The following SMCO2 variants were observed in gnomAD, a reference collection of about 807,000 sequenced individuals.
SMCO2 encodes single-pass membrane and coiled-coil domain-containing protein 2.
A neutral mutation model predicts 29.5 loss-of-function variants in SMCO2; 25 were observed. That is an observed-to-expected ratio of 0.85 (90% CI 0.62 to 1.18). SMCO2 has a LOEUF of 1.18. Ranked by LOEUF, SMCO2 falls within the 50% of genes most tolerant of loss-of-function variation. The pLI, the probability that SMCO2 is intolerant of heterozygous loss-of-function variation, is 0.00. For synonymous variants in SMCO2, 117 were observed against 123.3 expected (o/e 0.95, Z 0.34); for missense variants, 348 against 344.5 (o/e 1.01, Z -0.08).
At chr12:27,470,371 G>A (rs1272563469) in intron 1 of SMCO2, among the ~76,000 whole-genome samples, 1 of 151,876 alleles carries the variant, frequency 6.6e-6, no homozygotes, top group African/African-American at 2.4e-5. Context: ...ATTCTCCTTC[G>A]AGCATTCAAA....
At chr12:27,438,192 C>T in the SMCO2 span, among the ~76,000 whole-genome samples, 1 of 152,208 alleles carries the variant, frequency 6.6e-6, no homozygotes, top group Non-Finnish European at 1.5e-5. Context: ...CCTCCCTCAG[C>T]TTCTGTGATA....
At chr12:27,444,964 A>G in the SMCO2 span, among the ~76,000 whole-genome samples, 1,538 of 152,334 alleles carry the variant, frequency 0.01, 17 homozygotes, top group African/African-American at 0.035. Context: ...TGAATGGATA[A>G]AGAAAATGTG....
At chr12:27,474,911 A>G in exon 4 of SMCO2, 1 of 1,550,976 alleles carries the variant, frequency 6.4e-7, no homozygotes, top group South Asian at 1.2e-5. Context: ...ACCTCCTTGA[A>G]CTGTAAGTCT....
chr12:27,471,800 C>A (rs918883132), intron 2 of SMCO2, among the ~76,000 whole-genome samples: 1 of 152,122 alleles, frequency 6.6e-6, no homozygotes, highest in Admixed American at 6.5e-5. Flanking sequence ...TGGATTTAGA[C>A]AAGGAGTGGG....
At position 27,502,075 on chromosome 12, in the gene SMCO2, G is replaced by A. The variant is rs370797832; in HGVS notation, c.836G>A (p.Arg279Lys). The A allele has an allele frequency of 6.5e-6, 10 of 1,544,674 alleles. No homozygotes were observed. Among genetic ancestry groups the A allele is most frequent in the Admixed American group, 2.0e-5 (1 of 50,166 alleles). ...ACCACATGGGACCTACGGGAGATGAGAGAGCCTTTCTTGAATTTGGAAGTG... is the reference window on the plus strand; with the variant it reads ...ACCACATGGGACCTACGGGAGATGAAAGAGCCTTTCTTGAATTTGGAAGTG... The change falls in exon 8 of 8, where the codon AGA (arginine) becomes AAA (lysine). Residue 279 changes from arginine to lysine, a missense_variant. Coordinates refer to ENST00000298876, the Ensembl canonical transcript of SMCO2.
chr12:27,490,123 T>G (rs1450043562), intron 5 of SMCO2, among the ~76,000 whole-genome samples: 2 of 152,210 alleles, frequency 1.3e-5, no homozygotes, highest in Admixed American at 1.3e-4. Context: ...TATCTGCCAG[T>G]TGTCATTTGG....
chr12:27,426,166 G>T, the SMCO2 span, among the ~76,000 whole-genome samples: 2 of 152,188 alleles, frequency 1.3e-5, no homozygotes, highest in African/African-American at 4.8e-5. Flanking sequence ...CTGTGAAGGT[G>T]AAGAGGATAC....
the SMCO2 span, among the ~76,000 whole-genome samples, chr12:27,461,018 T>C: frequency 3.9e-5 from 6 of 152,140 alleles, no homozygotes; most frequent in African/African-American, 1.4e-4. Context: ...CTTCCTGTCT[T>C]TTTCCCTTTT....
At position 27,501,841 on chromosome 12, in the gene SMCO2, C is replaced by A. The variant is rs989805602; in HGVS notation, c.684-82C>A. The stretch of plus-strand genomic sequence containing the variant: ...AAATTACTTAGTTGAAGTTTTAGAG[C>A]TACCTGGGTGGAGGTGCCAGGAGCC... On this transcript the variant is annotated intron_variant, in intron 7 of 7. Transcript: ENST00000298876. 178 of 1,087,406 alleles carry A rather than the reference C, an allele frequency of 1.6e-4. 2 individuals carry two copies. The highest frequency in any genetic ancestry group is 2.2e-4 in the Non-Finnish European group (174 of 800,930). 67.4% of individuals were successfully genotyped at this position (1,087,406 alleles called of 1,614,324 possible). A position where few individuals can be genotyped will look rare whatever the true frequency, so the allele number is the denominator to read the frequency against.
chr12:27,500,354 G>C lies in SMCO2; in HGVS notation c.684-1569G>C, dbSNP rs879672379. Among the ~76,000 whole-genome samples the C allele has an allele frequency of 2.0e-5, 3 of 149,062 alleles. No individual in the cohort carries two copies. The East Asian group carries it at 5.8e-4, about 29-fold the overall frequency. On this transcript the variant is annotated intron_variant, in intron 7 of 7. Coordinates refer to ENST00000298876, the Ensembl canonical transcript of SMCO2. ...CTAGATGAGTATACTCTAAATGTAGGGAAAAAATTAAACTAAAAACTAAGA... is the reference window on the plus strand; with the variant it reads ...CTAGATGAGTATACTCTAAATGTAGCGAAAAAATTAAACTAAAAACTAAGA...
chr12:27,447,272 A>T, the SMCO2 span, among the ~76,000 whole-genome samples: 1 of 152,116 alleles, frequency 6.6e-6, no homozygotes, highest in African/African-American at 2.4e-5. Context: ...ATTACTGGGG[A>T]AACCACAGTT....
the SMCO2 span, among the ~76,000 whole-genome samples, chr12:27,438,845 C>G: frequency 6.8e-6 from 1 of 146,028 alleles, no homozygotes; most frequent in Non-Finnish European, 1.5e-5. Flanking sequence ...AACCAGAGCT[C>G]AAGTATGAGG....
chr12:27,469,188 A>G (rs1393223384), intron 1 of SMCO2, among the ~76,000 whole-genome samples: 3 of 152,134 alleles, frequency 2.0e-5, no homozygotes, highest in African/African-American at 4.8e-5. Flanking sequence ...AATGCTTAAC[A>G]CCCTCAGGAA....
At chr12:27,435,843 CG>C in the SMCO2 span, among the ~76,000 whole-genome samples, 1 of 152,126 alleles carries the variant, frequency 6.6e-6, no homozygotes, top group Non-Finnish European at 1.5e-5. Context: ...AGTGAGGCAG[CG>C]TGGGGTTCTT....
the SMCO2 span, among the ~76,000 whole-genome samples, chr12:27,426,486 C>G: frequency 6.6e-6 from 1 of 152,200 alleles, no homozygotes; most frequent in South Asian, 2.1e-4. Context: ...TTTCTTCATT[C>G]GTAAAGTAGA....
intron 4 of SMCO2, among the ~76,000 whole-genome samples, chr12:27,475,369 GC>G (rs1267476251): frequency 1.1e-4 from 16 of 152,160 alleles, no homozygotes; most frequent in Middle Eastern, 3.4e-3. Context: ...CATAAAATAT[GC>G]TTTGTTTTAT....
the SMCO2 span, chr12:27,423,794 T>C: frequency 1.3e-5 from 2 of 152,254 alleles, no homozygotes; most frequent in African/African-American, 4.8e-5. Flanking sequence ...AAAGGAGGTT[T>C]GATCTCTATG....
chr12:27,426,295 T>G, the SMCO2 span, among the ~76,000 whole-genome samples: 1 of 152,202 alleles, frequency 6.6e-6, no homozygotes, highest in South Asian at 2.1e-4. Flanking sequence ...CCCAGGGGTC[T>G]GGATTGCAGT....
intron 1 of SMCO2, among the ~76,000 whole-genome samples, chr12:27,469,320 C>T (rs1949522845): frequency 6.6e-6 from 1 of 152,214 alleles, no homozygotes; most frequent in Admixed American, 6.5e-5. Flanking sequence ...TGCCATCACA[C>T]ATCAAAGGTT....
Sources: gnomAD v4.1 joint callset for allele counts (sites outside exome capture counted in the v4.1 genomes callset) on GRCh38, gnomAD v4.1.1 for gene constraint, MANE v1.5 for transcripts, NCBI Gene and HGNC (gene_info 2026-07-23, HGNC 2026-07-21) for gene names.